NDRG2: variants seen among roughly 807,000 people sequenced by gnomAD.
NDRG2 encodes NDRG family member 2.
NDRG2 carries 34 observed loss-of-function variants against 58.2 expected under a neutral mutation model. The observed-to-expected ratio is 0.58, with a 90% CI of 0.44 to 0.78. The LOEUF is 0.78. NDRG2 is among the 30% of genes least tolerant of loss of function. NDRG2 has a pLI of 0.00. For synonymous variants in NDRG2, 187 were observed against 175.9 expected, an observed-to-expected ratio of 1.06 and a Z score of -0.50; for missense variants, 434 against 471.2, an observed-to-expected ratio of 0.92 and a Z score of 0.73.
At chr14:21,021,041 T>C (rs769656550) in intron 6 of NDRG2, 197 bp from the exon 7 acceptor site, 28 of 686,578 alleles carry the variant, frequency 4.1e-5, no homozygotes, top group Non-Finnish European at 6.9e-5. Context: ...GGTAGATACC[T>C]GAAGTCTATC....
At chr14:21,057,701 G>A (rs2139149293) in intron 1 of NDRG2, 1 of 546,814 alleles carries the variant, frequency 1.8e-6, no homozygotes, top group Non-Finnish European at 3.2e-6. Context: ...TTTATTAGAG[G>A]CACAAAAAGG....
chr14:21,068,677 T>A (rs970950466), intron 1 of NDRG2, among the ~76,000 whole-genome samples: 10 of 152,050 alleles, frequency 6.6e-5, no homozygotes, highest in African/African-American at 2.4e-4. Context: ...ACCTGGAGAG[T>A]GTCGGTGACT....
intron 1 of NDRG2, among the ~76,000 whole-genome samples, chr14:21,066,770 T>C (rs1886292547): frequency 6.6e-6 from 1 of 152,262 alleles, no homozygotes; most frequent in African/African-American, 2.4e-5. Flanking sequence ...TGGACCTTGA[T>C]GACACTTAGT....
At position 21,058,239 on chromosome 14, in the gene NDRG2, C is replaced by CA. The variant is rs542374068; in HGVS notation, c.24+12588dup. On this transcript the variant is annotated intron_variant, in intron 1 of 14. Coordinates refer to the NDRG2 transcript ENST00000403829. ...GGTGAGCTCACCTCAGGGAAGTACCCAAACTGCAGGTACAAAGAGAAGCAC... is the reference window on the plus strand; with the variant it reads ...GGTGAGCTCACCTCAGGGAAGTACCCAAAACTGCAGGTACAAAGAGAAGCAC... The CA allele has an allele frequency of 2.3e-4, 364 of 1,614,134 alleles. No homozygotes were observed. In the African/African-American group the frequency reaches 4.4e-3, roughly 20 times the overall value.
chr14:21,029,429 C>A (rs776058247), upstream of NDRG2, among the ~76,000 whole-genome samples: 2 of 151,978 alleles, frequency 1.3e-5, no homozygotes, highest in Admixed American at 1.3e-4. Flanking sequence ...GGCAAAACCC[C>A]GTCTCTACTA....
chr14:21,038,433 CA>C (rs2139104218), intron 1 of NDRG2, among the ~76,000 whole-genome samples: 1 of 152,228 alleles, frequency 6.6e-6, no homozygotes, highest in South Asian at 2.1e-4. Context: ...ATTCTGAAGA[CA>C]GTAAATGCTG....
chr14:21,045,146 G>T (rs986523882), intron 1 of NDRG2, among the ~76,000 whole-genome samples: 1 of 152,162 alleles, frequency 6.6e-6, no homozygotes, highest in African/African-American at 2.4e-5. Context: ...CCCCACTAAG[G>T]TCTCCCGAGA....
intron 1 of NDRG2, chr14:21,035,818 AC>A (rs1231722376): frequency 2.2e-6 from 1 of 456,168 alleles, no homozygotes; most frequent in South Asian, 1.5e-5. Flanking sequence ...TATGCAAGAA[AC>A]CTGAAAGTGA....
At chr14:21,038,128 C>A (rs776067749) in intron 1 of NDRG2, among the ~76,000 whole-genome samples, 3 of 152,216 alleles carry the variant, frequency 2.0e-5, no homozygotes, top group Non-Finnish European at 4.4e-5. Context: ...CATAGCATCA[C>A]CTCAAACCCA....
At chr14:21,051,365 T>G (rs1276839184) in intron 1 of NDRG2, among the ~76,000 whole-genome samples, 1 of 152,146 alleles carries the variant, frequency 6.6e-6, no homozygotes, top group Non-Finnish European at 1.5e-5. Flanking sequence ...ATGATTGTTT[T>G]TATCGTTATG....
chr14:21,054,093 G>A (rs930532412), intron 1 of NDRG2, among the ~76,000 whole-genome samples: 1 of 152,166 alleles, frequency 6.6e-6, no homozygotes, highest in African/African-American at 2.4e-5. Flanking sequence ...AGTAAAAATT[G>A]GCTCTGAAAT....
At chr14:21,025,300 C>T (rs1325897290), upstream of NDRG2, 3 of 952,278 alleles carry the variant, frequency 3.2e-6, no homozygotes, top group Non-Finnish European at 3.8e-6. This position sits in a 1 kb window ranked among gnomAD's most constrained non-coding sequence, Gnocchi z 5.1. Flanking sequence ...ATTCCACCAC[C>T]CCCTCCCCGC....
intron 1 of NDRG2, chr14:21,043,351 G>A (rs1884997856): frequency 1.2e-6 from 2 of 1,614,054 alleles, no homozygotes; most frequent in African/African-American, 1.3e-5. Flanking sequence ...CCGAACTGCA[G>A]GTACAAAGAG....
chr14:21,064,423 T>A (rs967981255), intron 1 of NDRG2, among the ~76,000 whole-genome samples: 1 of 152,046 alleles, frequency 6.6e-6, no homozygotes, highest in Non-Finnish European at 1.5e-5. Context: ...TGTCTCAGCC[T>A]CCCAAGTAGC....
chr14:21,057,393 G>A (rs910157424), intron 1 of NDRG2, among the ~76,000 whole-genome samples: 29 of 151,102 alleles, frequency 1.9e-4, no homozygotes, highest in Non-Finnish European at 1.5e-4. Flanking sequence ...CCAAGATCGC[G>A]CCATTGCACT....
Position 21,070,269 on chromosome 14 carries a change from C to G in NDRG2, c.24+559G>C, listed in dbSNP as rs1051254593. The G allele has an allele frequency of 9.6e-7, 1 of 1,040,528 alleles. No individual in the cohort carries two copies. Among genetic ancestry groups the G allele is most frequent in the Non-Finnish European group, 1.2e-6 (1 of 824,740 alleles). 64.5% of individuals were successfully genotyped at this position (1,040,528 alleles called of 1,614,324 possible). On this transcript the variant is annotated intron_variant, in intron 1 of 14. Coordinates refer to the NDRG2 transcript ENST00000403829. The surrounding 1 kb of genome is among the most constrained non-coding windows in gnomAD (Gnocchi z 4.7). ...CCGCGGCCTGGAAGCCGGAGCGGGC[C>G]GAGCCGCCACCGCGGCCGGAGCTGT...
chr14:21,053,451 C>T (rs936341245), intron 1 of NDRG2, among the ~76,000 whole-genome samples: 1 of 152,054 alleles, frequency 6.6e-6, no homozygotes, highest in African/African-American at 2.4e-5. Flanking sequence ...GATGGTGAAA[C>T]CCCAGCTCTA....
At position 21,023,326 on chromosome 14, in the gene NDRG2, C is replaced by T. The variant is rs968920861; in HGVS notation, c.-6-5G>A. 20 of 1,611,684 alleles carry T rather than the reference C, an allele frequency of 1.2e-5. No homozygotes were observed. The Admixed American group carries it at 1.7e-4, about 14-fold the overall frequency. ...CTGCAGCTCCGCCATGGTGGCCTGGCAGGATGAGGAAATGAGACTGGGAAG... is the reference window on the plus strand; with the variant it reads ...CTGCAGCTCCGCCATGGTGGCCTGGTAGGATGAGGAAATGAGACTGGGAAG... On this transcript the variant is annotated splice_region_variant and splice_polypyrimidine_tract_variant and intron_variant, in intron 1 of 15. Coordinates refer to ENST00000556147, the MANE Select transcript of NDRG2 (RefSeq NM_001320329.2).
At chr14:21,020,386 T>C in intron 8 of NDRG2, 110 bp downstream of exon 8, 9 of 803,246 alleles carry the variant, frequency 1.1e-5, no homozygotes, top group Non-Finnish European at 1.9e-5. Context: ...GCCCCTTTAC[T>C]CCCTCCTTGA....
Sources: gnomAD v4.1 joint callset for allele counts (sites outside exome capture counted in the v4.1 genomes callset) on GRCh38, gnomAD v4.1.1 for gene constraint, Gnocchi (gnomAD v3.1) non-coding constraint, MANE v1.5 for transcripts, NCBI Gene and HGNC (gene_info 2026-07-23, HGNC 2026-07-21) for gene names.